Variants in NF1 observed in about 807,000 individuals in gnomAD.
The protein encoded by NF1 is neurofibromin.
In NF1, 122 loss-of-function variants were observed where a neutral mutation model predicts 325.7. The observed-to-expected ratio is 0.37, with a 90% CI of 0.32 to 0.44. The LOEUF (loss-of-function observed/expected upper bound fraction) is 0.44, where lower values mean the gene tolerates loss of function less well. Ranked by LOEUF, NF1 falls within the 20% of genes least tolerant of loss-of-function variation. The pLI, the probability that NF1 is intolerant of heterozygous loss-of-function variation, is 1.00. For missense variants in NF1, 2,140 were observed against 3,415.4 expected, an observed-to-expected ratio of 0.63 and a Z score of 9.31; for synonymous variants, 1,091 against 1,186.0, an observed-to-expected ratio of 0.92 and a Z score of 1.65.
chr17:31,116,690 C>T (rs373270197), intron 1 of NF1, among the ~76,000 whole-genome samples: 6 of 151,978 alleles, frequency 3.9e-5, no homozygotes, highest in East Asian at 1.9e-4. Context: ...TTTTTCGAGA[C>T]GGAGTCTTGC....
intron 57 of NF1, among the ~76,000 whole-genome samples, chr17:31,370,373 AAGAT>A (rs776279182): frequency 6.6e-6 from 1 of 152,210 alleles, no homozygotes; most frequent in Non-Finnish European, 1.5e-5. Context: ...CTATCATTCT[AAGAT>A]AGATAACCAC....
At chr17:31,307,325 C>T (rs772299730) in intron 36 of NF1, among the ~76,000 whole-genome samples, 1 of 152,216 alleles carries the variant, frequency 6.6e-6, no homozygotes, top group East Asian at 1.9e-4. Flanking sequence ...GGCCCAATTA[C>T]AATAATTTGA....
At chr17:31,278,619 A>ATT (rs1017529666) in intron 36 of NF1, among the ~76,000 whole-genome samples, 13 of 113,588 alleles carry the variant, frequency 1.1e-4, no homozygotes, top group African/African-American at 3.2e-5. Context: ...TTTTTTTATT[A>ATT]TTTTTTTTTT....
intron 1 of NF1, among the ~76,000 whole-genome samples, chr17:31,128,061 C>T (rs916625479): frequency 2.0e-5 from 3 of 151,756 alleles, no homozygotes; most frequent in Non-Finnish European, 4.4e-5. Context: ...CCCACCTCAG[C>T]CTCCCGAGTA....
At chr17:31,372,586 C>A (rs977986288) in intron 57 of NF1, among the ~76,000 whole-genome samples, 2 of 152,220 alleles carry the variant, frequency 1.3e-5, no homozygotes, top group Non-Finnish European at 2.9e-5. Context: ...CTCATGCCCC[C>A]TTAAGTCACT....
chr17:31,334,381 T>C (rs1272210762), intron 39 of NF1, among the ~76,000 whole-genome samples: 1 of 152,194 alleles, frequency 6.6e-6, no homozygotes, highest in Non-Finnish European at 1.5e-5. Flanking sequence ...TCCCCGTTTT[T>C]GCGGGGGAGT....
intron 1 of NF1, among the ~76,000 whole-genome samples, chr17:31,108,337 C>T (rs1308316048): frequency 7.7e-6 from 1 of 130,316 alleles, no homozygotes; most frequent in Non-Finnish European, 1.6e-5. Context: ...TGTAATGGCA[C>T]GATCTTGGCT....
chr17:31,124,364 C>G (rs1469833075), intron 1 of NF1, among the ~76,000 whole-genome samples: 1 of 151,874 alleles, frequency 6.6e-6, no homozygotes, highest in Non-Finnish European at 1.5e-5. Flanking sequence ...CACTCCTGGC[C>G]TTGCAGCTTG....
intron 36 of NF1, among the ~76,000 whole-genome samples, chr17:31,322,097 A>ACT (rs1334195365): frequency 4.4e-5 from 2 of 45,550 alleles, no homozygotes; most frequent in Admixed American, 4.2e-4. Context: ...GTGTGTATAC[A>ACT]CACACACACA....
rs1004076082 is a variant in NF1 at position 31,374,897 on chromosome 17, A to C, written c.*742A>C. On this transcript the variant is annotated 3_prime_UTR_variant, in exon 58 of 58. Transcript: ENST00000358273. ...TCTAAGTCCTTATCCAAACTCAGTC[A>C]TCCAAACTAGTTTATTTTTTTCTCC... 4.4e-6 allele frequency: 1 copy of C among 227,854 alleles called. No individual in the cohort carries two copies. Among genetic ancestry groups the C allele is most frequent in the Non-Finnish European group, 8.7e-6 (1 of 114,458 alleles). The allele number at this position is 227,854 out of a possible 1,614,324, so 14.1% of individuals were successfully genotyped here.
At chr17:31,337,209 G>A (rs1376962460) in intron 42 of NF1, among the ~76,000 whole-genome samples, 159 bp from the exon 43 acceptor site, 6 of 152,128 alleles carry the variant, frequency 3.9e-5, no homozygotes. Flanking sequence ...AATGAAGCAA[G>A]GAGCATTAAT....
intron 39 of NF1, 101 bp from the exon 40 acceptor site, chr17:31,334,734 ATAG>A: frequency 1.1e-6 from 1 of 898,190 alleles, no homozygotes; most frequent in South Asian, 1.4e-5. Flanking sequence ...ATTCTAGGTA[ATAG>A]TCTTTACCTT....
At chr17:31,344,997 C>A (rs2069933560) in intron 48 of NF1, among the ~76,000 whole-genome samples, 1 of 152,102 alleles carries the variant, frequency 6.6e-6, no homozygotes, top group Non-Finnish European at 1.5e-5. Flanking sequence ...GTGGTGCAAA[C>A]CTGTAGTTTC....
chr17:31,311,109 C>T (rs1380816965), intron 36 of NF1, among the ~76,000 whole-genome samples: 4 of 151,880 alleles, frequency 2.6e-5, no homozygotes, highest in East Asian at 3.9e-4. Context: ...CACTACACCA[C>T]GCCCAACTAA....
chr17:31,261,988 T>G (rs2067694578), intron 35 of NF1, 131 bp downstream of exon 35: 10 of 813,680 alleles, frequency 1.2e-5, no homozygotes, highest in Non-Finnish European at 1.8e-5. Flanking sequence ...TTGCCATGTT[T>G]GGGGAATCCA....
intron 1 of NF1, among the ~76,000 whole-genome samples, chr17:31,153,073 C>G (rs1223928986): frequency 1.3e-5 from 2 of 151,652 alleles, no homozygotes; most frequent in Non-Finnish European, 2.9e-5. Context: ...CTCTCTTTTT[C>G]ATTTTTATTT....
rs532281490 is a variant in NF1 at position 31,287,604 on chromosome 17, G to A, written c.4835+22265G>A. Among the ~76,000 whole-genome samples, 3 of 151,068 alleles carry A rather than the reference G, an allele frequency of 2.0e-5. No homozygotes were observed. The South Asian group carries it at 6.3e-4, about 31-fold the overall frequency. On this transcript the variant is annotated intron_variant, in intron 36 of 57. Coordinates refer to ENST00000358273, the MANE Select transcript of NF1 (RefSeq NM_001042492.3). The stretch of plus-strand genomic sequence containing the variant: ...ACACAGGGTGTGGCTTTGTCACCCA[G>A]GCTAGAGTGCAGTGGCATGATCTCA...
chr17:31,296,036 C>A (rs754648490), intron 36 of NF1: 4 of 1,613,900 alleles, frequency 2.5e-6, no homozygotes, highest in Non-Finnish European at 3.4e-6. Context: ...CCACAGAGAC[C>A]GAGGTAAGTG....
intron 1 of NF1, among the ~76,000 whole-genome samples, chr17:31,130,425 G>A (rs1915270715): frequency 6.6e-6 from 1 of 152,214 alleles, no homozygotes; most frequent in East Asian, 1.9e-4. Flanking sequence ...TGGCCTCCAT[G>A]TGGGCATTGG....
Sources: allele counts gnomAD v4.1 joint callset (sites outside exome capture counted in the v4.1 genomes callset), GRCh38; gene constraint gnomAD v4.1.1; transcripts MANE v1.5; gene names NCBI Gene and HGNC (gene_info 2026-07-23, HGNC 2026-07-21).